The following ARHGAP28 variants were observed in gnomAD, a reference collection of about 807,000 sequenced individuals.
ARHGAP28 encodes the protein Rho GTPase activating protein 28, also known as rho GTPase-activating protein 28.
A neutral mutation model predicts 90.7 loss-of-function variants in ARHGAP28; 56 were observed. The ratio of observed to expected loss-of-function variants is 0.62; its 90% confidence interval spans 0.50 to 0.77. The LOEUF is 0.77. Ranked by LOEUF, ARHGAP28 falls within the 30% of genes least tolerant of loss-of-function variation. The pLI is 0.00. For synonymous variants in ARHGAP28, 308 were observed against 323.3 expected, an observed-to-expected ratio of 0.95 and a Z score of 0.51; for missense variants, 869 against 900.9, an observed-to-expected ratio of 0.96 and a Z score of 0.45.
At chr18:6,768,066 G>C (rs1431935404) in intron 1 of ARHGAP28, among the ~76,000 whole-genome samples, 1 of 151,704 alleles carries the variant, frequency 6.6e-6, no homozygotes, top group East Asian at 1.9e-4. Context: ...TTGGTCTCTT[G>C]TTCTGCAGTT....
intron 4 of ARHGAP28, among the ~76,000 whole-genome samples, chr18:6,852,613 C>T (rs771468527): frequency 1.2e-4 from 18 of 152,026 alleles, no homozygotes; most frequent in Non-Finnish European, 2.2e-4. Context: ...GCTTGTACAA[C>T]TGCAAAACAA....
intron 3 of ARHGAP28, among the ~76,000 whole-genome samples, chr18:6,841,179 T>TCTCTCTCC (rs1567966533): frequency 1.5e-5 from 1 of 67,330 alleles, no homozygotes; most frequent in African/African-American, 8.2e-5. Flanking sequence ...TCTCTCTCTC[T>TCTCTCTCC]CCTCTCTCTC....
At chr18:6,854,340 T>A (rs2056935369) in intron 4 of ARHGAP28, among the ~76,000 whole-genome samples, 1 of 152,210 alleles carries the variant, frequency 6.6e-6, no homozygotes, top group African/African-American at 2.4e-5. Context: ...TTAAATTTTA[T>A]AAGTTTTGAA....
chr18:6,797,478 T>G (rs1257290355), intron 1 of ARHGAP28, among the ~76,000 whole-genome samples: 2 of 152,290 alleles, frequency 1.3e-5, no homozygotes, highest in South Asian at 2.1e-4. Flanking sequence ...TTCATGAAAC[T>G]GTATATGATA....
At chr18:6,909,824 T>C (rs1458782596) in intron 17 of ARHGAP28, among the ~76,000 whole-genome samples, 1 of 152,154 alleles carries the variant, frequency 6.6e-6, no homozygotes, top group Non-Finnish European at 1.5e-5. Context: ...GGGTGCTCCG[T>C]GCTCCCACTG....
At chr18:6,885,340 C>A (rs1567982420) in intron 11 of ARHGAP28, among the ~76,000 whole-genome samples, 1 of 152,148 alleles carries the variant, frequency 6.6e-6, no homozygotes, top group African/African-American at 2.4e-5. Context: ...CTAGTTGTAA[C>A]AAGATTCTCT....
intron 1 of ARHGAP28, among the ~76,000 whole-genome samples, chr18:6,783,333 C>A (rs527768263): frequency 4.1e-5 from 6 of 147,174 alleles, no homozygotes; most frequent in African/African-American, 1.5e-4. Context: ...TGGAGTTTCG[C>A]TCTTGTTACC....
chr18:6,780,126 A>T (rs2056312896), intron 1 of ARHGAP28, among the ~76,000 whole-genome samples: 2 of 152,178 alleles, frequency 1.3e-5, no homozygotes, highest in Non-Finnish European at 2.9e-5. Context: ...AAGCTCAGTG[A>T]CAAGGCCAGA....
intron 1 of ARHGAP28, chr18:6,788,552 C>A (rs1453822143): frequency 6.6e-6 from 1 of 152,166 alleles, no homozygotes; most frequent in African/African-American, 2.4e-5. Context: ...AGCTCCACCT[C>A]CTGGGTTCAC....
At chr18:6,804,441 G>T (rs1171534771) in intron 1 of ARHGAP28, among the ~76,000 whole-genome samples, 2 of 151,230 alleles carry the variant, frequency 1.3e-5, no homozygotes, top group African/African-American at 4.9e-5. Context: ...TTGTTTTTTG[G>T]TTCTGGTACT....
At chr18:6,886,723 C>T (rs959827749) in intron 11 of ARHGAP28, among the ~76,000 whole-genome samples, 7 of 152,160 alleles carry the variant, frequency 4.6e-5, no homozygotes, top group African/African-American at 9.7e-5. Context: ...GGTCACACAG[C>T]GACTAAATAG....
At chr18:6,839,346 T>C (rs529709874) in intron 3 of ARHGAP28, among the ~76,000 whole-genome samples, 58 of 147,436 alleles carry the variant, frequency 3.9e-4, no homozygotes, top group South Asian at 2.6e-3. Context: ...CAGGCTGGAG[T>C]GCAGTGGCGC....
Position 6,908,987 on chromosome 18 carries a change from T to C in ARHGAP28, c.2058T>C (p.Ile686=). The C allele has an allele frequency of 6.5e-7, 1 of 1,541,602 alleles. No homozygotes were observed. The highest frequency in any genetic ancestry group is 8.9e-7 in the Non-Finnish European group (1 of 1,118,488). The change falls in exon 17 of 18, where the codon ATT becomes ATC. Residue 686 remains isoleucine, a synonymous_variant. Transcript: ENST00000383472. ...NSHGSSECIK[I]QNQRLYEIGG... ...ATGGTTCATCAGAATGTATTAAGATTCAGAACCAAAGGTTATATGAAATTG... is the reference window on the plus strand; with the variant it reads ...ATGGTTCATCAGAATGTATTAAGATCCAGAACCAAAGGTTATATGAAATTG...
intron 2 of ARHGAP28, among the ~76,000 whole-genome samples, chr18:6,833,542 G>C (rs915523570): frequency 1.3e-5 from 2 of 151,526 alleles, no homozygotes; most frequent in Non-Finnish European, 2.9e-5. Context: ...TAATTTTATA[G>C]ATGCTCCTCT....
At position 6,887,122 on chromosome 18, in the gene ARHGAP28, T is replaced by A. The variant is rs559381938; in HGVS notation, c.1454-35T>A. 1.6e-4 allele frequency: 247 copies of A among 1,586,570 alleles called. 3 individuals carry two copies. The South Asian group carries it at 1.6e-3, about 10-fold the overall frequency. On this transcript the variant is annotated intron_variant, in intron 11 of 17. Transcript: ENST00000383472. ...ATGCTGTCAGGATGCATCAGGGCTA[T>A]TTAAAATGTATGACTATTTCTGTTT...
At position 6,811,067 on chromosome 18, in the gene ARHGAP28, A is replaced by G. The variant is rs2056552549; in HGVS notation, c.123-13695A>G. On this transcript the variant is annotated intron_variant, in intron 1 of 17. Transcript: ENST00000383472. ...AATTTTTAGCAAAATGAATACTCCTAGCCACTGCACCAGTTTCAAGAAGGA... is the reference window on the plus strand; with the variant it reads ...AATTTTTAGCAAAATGAATACTCCTGGCCACTGCACCAGTTTCAAGAAGGA... Among the ~76,000 whole-genome samples the G allele has an allele frequency of 2.0e-5, 3 of 152,126 alleles. No homozygotes were observed. The South Asian group carries it at 6.2e-4, about 32-fold the overall frequency.
intron 3 of ARHGAP28, among the ~76,000 whole-genome samples, chr18:6,848,859 C>T (rs953585774): frequency 2.4e-4 from 37 of 152,100 alleles, no homozygotes; most frequent in African/African-American, 8.0e-4. Flanking sequence ...CTCCTCTGTC[C>T]CTTCTGTTTC....
chr18:6,882,671 A>G (rs1386671599), intron 11 of ARHGAP28, among the ~76,000 whole-genome samples: 1 of 152,192 alleles, frequency 6.6e-6, no homozygotes, highest in Non-Finnish European at 1.5e-5. Flanking sequence ...GTCATTTAGA[A>G]TAGAGCCTGG....
chr18:6,807,937 T>A (rs1018022423), intron 1 of ARHGAP28, among the ~76,000 whole-genome samples: 3 of 152,234 alleles, frequency 2.0e-5, no homozygotes, highest in Non-Finnish European at 4.4e-5. Flanking sequence ...AAACTGGGGC[T>A]ATTGTAGGGC....
Sources: gnomAD v4.1 joint callset for allele counts (sites outside exome capture counted in the v4.1 genomes callset) on GRCh38, gnomAD v4.1.1 for gene constraint, MANE v1.5 for transcripts, NCBI Gene and HGNC (gene_info 2026-07-23, HGNC 2026-07-21) for gene names.